NEGR1: variants seen among roughly 807,000 people sequenced by gnomAD.
NEGR1 encodes neuronal growth regulator 1, also known as IgLON family member 4.
Under a neutral mutation model 40.9 loss-of-function variants are expected in NEGR1, and 10 were observed. The ratio of observed to expected loss-of-function variants is 0.24; its 90% CI spans 0.15 to 0.42. The LOEUF (loss-of-function observed/expected upper bound fraction) is 0.42. NEGR1 is among the 10% of genes least tolerant of loss of function. NEGR1 has a pLI of 1.00. For missense variants in NEGR1, 352 were observed against 438.9 expected, an observed-to-expected ratio of 0.80 and a Z score of 1.77; for synonymous variants, 185 against 166.8, an observed-to-expected ratio of 1.11 and a Z score of -0.84.
intron 2 of NEGR1, among the ~76,000 whole-genome samples, chr1:71,838,346 G>GA (rs1439549393): frequency 6.6e-6 from 1 of 151,892 alleles, no homozygotes; most frequent in Non-Finnish European, 1.5e-5. Flanking sequence ...TATAATTTGG[G>GA]AGCTATATAT....
intron 1 of NEGR1, chr1:72,274,555 A>G: frequency 2.7e-6 from 2 of 750,534 alleles, no homozygotes; most frequent in Non-Finnish European, 4.9e-6. Context: ...TGATCCAATT[A>G]AACTTTACAG....
rs1654007329 is a variant in NEGR1, at chr1:71,709,404, AT to A, written c.536-11266del. On this transcript the variant is annotated intron_variant, in intron 3 of 6. Coordinates refer to ENST00000357731, the MANE Select transcript of NEGR1 (RefSeq NM_173808.3). ...ATTTGCATTTATCTAATGATTAGTA[AT>A]GTTGAGCTTTGTTCATGTTTGTCGG... Among the ~76,000 whole-genome samples, 4 of 152,314 alleles carry A rather than the reference AT, an allele frequency of 2.6e-5. No individual in the cohort carries two copies. The South Asian group carries it at 8.3e-4, about 32-fold the overall frequency.
chr1:71,922,778 T>C (rs557841046), intron 2 of NEGR1, among the ~76,000 whole-genome samples: 2 of 152,154 alleles, frequency 1.3e-5, no homozygotes, highest in Non-Finnish European at 2.9e-5. Flanking sequence ...GAAATATATA[T>C]CTAATTGTTT....
intron 1 of NEGR1, among the ~76,000 whole-genome samples, chr1:72,230,599 T>C (rs1401255068): frequency 6.6e-6 from 1 of 152,162 alleles, no homozygotes; most frequent in Non-Finnish European, 1.5e-5. Context: ...AATACTGCAC[T>C]TAGCCAGCAA....
At chr1:71,720,815 C>T (rs1019914387) in intron 3 of NEGR1, among the ~76,000 whole-genome samples, 2 of 152,170 alleles carry the variant, frequency 1.3e-5, no homozygotes, top group East Asian at 1.9e-4. Context: ...AGTTTGCCTA[C>T]ATGTGAGCAC....
chr1:71,971,740 C>T (rs1646258099), intron 1 of NEGR1, among the ~76,000 whole-genome samples: 1 of 152,152 alleles, frequency 6.6e-6, no homozygotes, highest in South Asian at 2.1e-4. Context: ...CAAATGACTA[C>T]ACACATTATT....
At chr1:72,148,533 T>G (rs2100350262) in intron 1 of NEGR1, among the ~76,000 whole-genome samples, 1 of 152,032 alleles carries the variant, frequency 6.6e-6, no homozygotes, top group African/African-American at 2.4e-5. Context: ...AAAAAATGGG[T>G]TTTTCTTTTC....
chr1:71,753,723 C>A lies in NEGR1; in HGVS notation c.535+22449G>T, dbSNP rs1226585353. ...TCTTTAATAGATCCATATCACTTTT[C>A]ATGGGTAGATTTCTAATTTGTAATT... On this transcript the variant is annotated intron_variant, in intron 3 of 6. Transcript: ENST00000357731. Among the ~76,000 whole-genome samples the A allele has an allele frequency of 4.6e-5, 7 of 152,162 alleles. No homozygotes were observed. The East Asian group carries it at 1.4e-3, about 30-fold the overall frequency.
At position 71,932,288 on chromosome 1, in the gene NEGR1, T is replaced by A. The variant is rs559583273; in HGVS notation, c.409+2791A>T. Among the ~76,000 whole-genome samples the A allele has an allele frequency of 4.5e-3, 689 of 152,060 alleles. 7 individuals carry two copies. The highest frequency in any genetic ancestry group is 0.016 in the African/African-American group (658 of 41,420). ...TGACGTGGGATTTTTGTTATTTTTTTATTTGTTTTGTTTTTTTTTGTTGTT... is the reference window on the plus strand; with the variant it reads ...TGACGTGGGATTTTTGTTATTTTTTAATTTGTTTTGTTTTTTTTTGTTGTT... On this transcript the variant is annotated intron_variant, in intron 2 of 6. Transcript: ENST00000357731.
chr1:72,041,081 G>C (rs1646949815), intron 1 of NEGR1, among the ~76,000 whole-genome samples: 4 of 151,934 alleles, frequency 2.6e-5, no homozygotes, highest in Admixed American at 6.6e-5. Flanking sequence ...TTTCCCTATA[G>C]ACAAAGTACC....
Position 72,013,784 on chromosome 1 carries a change from T to G in NEGR1, c.177-78473A>C, listed in dbSNP as rs115939818. ...ACTGTCATGTTCGTGAACAAAGTTT[T>G]TCAAACATTCGCTACCCTGACATTT... On this transcript the variant is annotated intron_variant, in intron 1 of 6. Coordinates refer to ENST00000357731, the MANE Select transcript of NEGR1 (RefSeq NM_173808.3). Among the ~76,000 whole-genome samples, 832 of 151,590 alleles carry G rather than the reference T, an allele frequency of 5.5e-3. 6 individuals are homozygous for G. The highest frequency in any genetic ancestry group is 0.02 in the African/African-American group (809 of 41,392).
chr1:72,031,204 C>T (rs895113533), intron 1 of NEGR1, among the ~76,000 whole-genome samples: 8 of 152,094 alleles, frequency 5.3e-5, no homozygotes, highest in Non-Finnish European at 1.2e-4. Context: ...TGGGAAGGCT[C>T]ACCATAAGAG....
chr1:71,780,181 C>CA (rs1476520942), intron 2 of NEGR1, among the ~76,000 whole-genome samples: 1 of 150,978 alleles, frequency 6.6e-6, no homozygotes, highest in Non-Finnish European at 1.5e-5. Context: ...TTAATTTATG[C>CA]AAAAAGGAGC....
At chr1:72,004,427 C>G (rs1229312817) in intron 1 of NEGR1, among the ~76,000 whole-genome samples, 1 of 152,090 alleles carries the variant, frequency 6.6e-6, no homozygotes, top group Non-Finnish European at 1.5e-5. Flanking sequence ...TCCTGAGTAT[C>G]TGGGATTTCA....
intron 1 of NEGR1, among the ~76,000 whole-genome samples, chr1:71,972,207 T>A (rs1452390482): frequency 6.6e-6 from 1 of 152,182 alleles, no homozygotes; most frequent in Non-Finnish European, 1.5e-5. Flanking sequence ...TGGATATGAA[T>A]GCATTTATTA....
chr1:71,817,948 C>T (rs756048937), intron 2 of NEGR1, among the ~76,000 whole-genome samples: 4 of 151,894 alleles, frequency 2.6e-5, no homozygotes, highest in Admixed American at 1.3e-4. Context: ...TACTCAACAT[C>T]GCTAATCATT....
chr1:72,234,459 A>G (rs1402293288), intron 1 of NEGR1, among the ~76,000 whole-genome samples: 1 of 152,150 alleles, frequency 6.6e-6, no homozygotes, highest in Non-Finnish European at 1.5e-5. Flanking sequence ...GAGCTTCTTT[A>G]CAGCAAAGAA....
chr1:71,471,373 C>A (rs965454924), intron 6 of NEGR1, among the ~76,000 whole-genome samples: 4 of 152,066 alleles, frequency 2.6e-5, no homozygotes, highest in Non-Finnish European at 1.5e-5. Context: ...TAAAGATGCA[C>A]CTTGGCTCAC....
At chr1:72,047,351 T>G (rs1647011987) in intron 1 of NEGR1, among the ~76,000 whole-genome samples, 1 of 151,528 alleles carries the variant, frequency 6.6e-6, no homozygotes. Context: ...GAAATAGAGT[T>G]AAAATCCAAA....
Sources: gnomAD v4.1 joint callset for allele counts (sites outside exome capture counted in the v4.1 genomes callset) on GRCh38, gnomAD v4.1.1 for gene constraint, MANE v1.5 for transcripts, NCBI Gene and HGNC (gene_info 2026-07-23, HGNC 2026-07-21) for gene names.